Variants in SAMD12 observed in about 807,000 individuals in gnomAD.
SAMD12 encodes sterile alpha motif domain-containing protein 12.
In SAMD12, 9 loss-of-function variants were observed where a neutral mutation model predicts 15.0. That is an observed-to-expected ratio of 0.60 (90% CI 0.36 to 1.05). The LOEUF (loss-of-function observed/expected upper bound fraction) is 1.05. SAMD12 is among the 50% of genes least tolerant of loss of function. The probability of loss-of-function intolerance (pLI) is 0.01; values close to 1 mark genes in which losing one functional copy is unlikely to be tolerated. For synonymous variants in SAMD12, 86 were observed against 90.1 expected, an observed-to-expected ratio of 0.96 and a Z score of 0.25; for missense variants, 230 against 234.2, an observed-to-expected ratio of 0.98 and a Z score of 0.12.
chr8:118,230,631 C>A (rs1812292032), intron 4 of SAMD12, among the ~76,000 whole-genome samples: 1 of 151,954 alleles, frequency 6.6e-6, no homozygotes, highest in Admixed American at 6.6e-5. Context: ...AGAGGTTTCA[C>A]CGAGAAAAAT....
intron 4 of SAMD12, among the ~76,000 whole-genome samples, chr8:118,324,323 G>A (rs954959356): frequency 1.3e-5 from 2 of 152,170 alleles, no homozygotes; most frequent in South Asian, 2.1e-4. Flanking sequence ...GAAAGTACAC[G>A]GAGTTGTTAA....
At chr8:118,382,549 T>C (rs1819728712) in intron 3 of SAMD12, among the ~76,000 whole-genome samples, 1 of 152,172 alleles carries the variant, frequency 6.6e-6, no homozygotes, top group African/African-American at 2.4e-5. Context: ...AATATATGAG[T>C]CAGAAAATTC....
intron 2 of SAMD12, among the ~76,000 whole-genome samples, chr8:118,498,067 G>C (rs867376130): frequency 3.9e-5 from 6 of 152,144 alleles, no homozygotes; most frequent in Non-Finnish European, 5.9e-5. Flanking sequence ...GATAATTAAC[G>C]AACTGAAACA....
intron 1 of SAMD12, chr8:118,621,531 C>T: frequency 2.0e-6 from 1 of 494,092 alleles, no homozygotes; most frequent in Non-Finnish European, 3.6e-6. Flanking sequence ...CCCCCCATTT[C>T]CAGGATATCG....
intron 2 of SAMD12, among the ~76,000 whole-genome samples, chr8:118,574,197 A>C (rs1827093114): frequency 6.6e-6 from 1 of 152,224 alleles, no homozygotes; most frequent in Admixed American, 6.5e-5. Context: ...AAAGAGAATC[A>C]CTTTAGTAAT....
intron 2 of SAMD12, among the ~76,000 whole-genome samples, chr8:118,517,162 A>G (rs948320987): frequency 6.6e-6 from 1 of 152,202 alleles, no homozygotes; most frequent in African/African-American, 2.4e-5. Context: ...AGGGGGTATA[A>G]GATATCCTAG....
rs1821836490 is a variant in SAMD12 at position 118,418,610 on chromosome 8, T to C, written c.322+21222A>G. On this transcript the variant is annotated intron_variant, in intron 3 of 3. Coordinates refer to ENST00000314727, the MANE Select transcript of SAMD12 (RefSeq NM_207506.3). The stretch of plus-strand genomic sequence containing the variant: ...GGCGGGCGCCTGTGGTCCCAGCTAC[T>C]CGGGAGGCTGAGGCAGGAGAATGGC... Among the ~76,000 whole-genome samples the C allele has an allele frequency of 2.0e-5, 3 of 151,724 alleles. No individual in the cohort carries two copies. The South Asian group carries it at 6.2e-4, about 32-fold the overall frequency.
chr8:118,262,600 C>A (rs1188125512), intron 4 of SAMD12, among the ~76,000 whole-genome samples: 1 of 152,050 alleles, frequency 6.6e-6, no homozygotes, highest in Non-Finnish European at 1.5e-5. Flanking sequence ...GGTGGCGGCA[C>A]AGACAACATG....
At chr8:118,309,407 T>TGTGTGTG (rs201804844) in intron 4 of SAMD12, among the ~76,000 whole-genome samples, 1 of 146,034 alleles carries the variant, frequency 6.8e-6, no homozygotes, top group Non-Finnish European at 1.5e-5. Context: ...TGTGTGTGTG[T>TGTGTGTG]ATGTGTATTA....
At chr8:118,549,326 G>C (rs1826245437) in intron 2 of SAMD12, among the ~76,000 whole-genome samples, 1 of 152,226 alleles carries the variant, frequency 6.6e-6, no homozygotes, top group Admixed American at 6.5e-5. Context: ...ACTCCTCTGA[G>C]ACAAAACTTC....
intron 3 of SAMD12, among the ~76,000 whole-genome samples, chr8:118,393,603 CT>C (rs60507406): frequency 1.2e-3 from 171 of 142,366 alleles, no homozygotes; most frequent in Middle Eastern, 3.6e-3. Flanking sequence ...TTTTTCTTTT[CT>C]TTTTTTTTTT....
intron 1 of SAMD12, among the ~76,000 whole-genome samples, chr8:118,585,371 G>A (rs554229106): frequency 4.4e-4 from 67 of 152,268 alleles, no homozygotes; most frequent in African/African-American, 1.5e-3. Context: ...GGATGGTGAT[G>A]ATGGTTATAC....
In SAMD12 at chr8:118,479,565, T is replaced by G. The variant is rs191174050; in HGVS notation, c.193-39604A>C. Among the ~76,000 whole-genome samples, 355 of 152,248 alleles carry G rather than the reference T, an allele frequency of 2.3e-3. 4 individuals are homozygous for G. The highest frequency in any genetic ancestry group is 7.2e-3 in the African/African-American group (299 of 41,542). ...TCCCACCGGGTCCCTCCCACAACACTTGGGAATTATGGGAGTGCAACTCAA... is the reference window on the plus strand; with the variant it reads ...TCCCACCGGGTCCCTCCCACAACACGTGGGAATTATGGGAGTGCAACTCAA... On this transcript the variant is annotated intron_variant, in intron 2 of 3. Transcript: ENST00000314727.
At chr8:118,599,668 A>G (rs1236829819) in intron 1 of SAMD12, among the ~76,000 whole-genome samples, 1 of 152,208 alleles carries the variant, frequency 6.6e-6, no homozygotes, top group Non-Finnish European at 1.5e-5. Context: ...CTAGGGCTAC[A>G]GTGTGGGAAC....
At chr8:118,548,951 G>C (rs982095722) in intron 2 of SAMD12, among the ~76,000 whole-genome samples, 3 of 152,254 alleles carry the variant, frequency 2.0e-5, no homozygotes, top group Non-Finnish European at 2.9e-5. Flanking sequence ...AGATCAAAGT[G>C]CAAGGCGGCA....
chr8:118,507,532 G>A (rs1231501179), intron 2 of SAMD12, among the ~76,000 whole-genome samples: 1 of 152,094 alleles, frequency 6.6e-6, no homozygotes, highest in African/African-American at 2.4e-5. Flanking sequence ...GAAAGGCTAG[G>A]TAATTTGTTC....
intron 1 of SAMD12, among the ~76,000 whole-genome samples, chr8:118,584,425 A>G (rs1339377151): frequency 6.6e-6 from 1 of 151,888 alleles, no homozygotes; most frequent in Non-Finnish European, 1.5e-5. Flanking sequence ...TGTTTTCCCT[A>G]AAGTTATTTA....
intron 2 of SAMD12, among the ~76,000 whole-genome samples, chr8:118,579,354 C>T (rs1052625952): frequency 8.5e-5 from 13 of 152,150 alleles, no homozygotes; most frequent in Admixed American, 3.9e-4. Context: ...GCTTTCTTAA[C>T]AGGGTTCACT....
At position 118,469,328 on chromosome 8, in the gene SAMD12, T is replaced by G. The variant is rs73708328; in HGVS notation, c.193-29367A>C. On this transcript the variant is annotated intron_variant, in intron 2 of 3. Transcript: ENST00000314727. ...ATTTCATCCATTTCATAAATGGAGT[T>G]CTTGGAGAGTCTATTTGCCTAGCCT... Among the ~76,000 whole-genome samples, 719 of 148,396 alleles carry G rather than the reference T, an allele frequency of 4.8e-3. 7 individuals are homozygous for G. The highest frequency in any genetic ancestry group is 0.017 in the African/African-American group (686 of 40,206).
Sources: allele counts gnomAD v4.1 joint callset (sites outside exome capture counted in the v4.1 genomes callset), GRCh38; gene constraint gnomAD v4.1.1; transcripts MANE v1.5; gene names NCBI Gene and HGNC (gene_info 2026-07-23, HGNC 2026-07-21).